The following REN variants were observed in gnomAD, a reference collection of about 807,000 sequenced individuals.
REN encodes renin.
REN carries 42 observed loss-of-function variants against 48.6 expected under a neutral mutation model. The ratio of observed to expected loss-of-function variants is 0.86; its 90% CI spans 0.68 to 1.12. REN has a LOEUF of 1.12. Among genes scored for constraint, REN ranks in the 50% most tolerant of loss-of-function variants. The pLI, the probability that REN is intolerant of heterozygous loss-of-function variation, is 0.00. For missense variants in REN, 443 were observed against 527.3 expected (o/e 0.84, Z 1.57); for synonymous variants, 196 against 204.6 (o/e 0.96, Z 0.36).
chr1:204,163,674 G>A (rs901424227), intron 1 of REN, among the ~76,000 whole-genome samples: 1 of 151,986 alleles, frequency 6.6e-6, no homozygotes, highest in Non-Finnish European at 1.5e-5. Context: ...AGCCCACACC[G>A]GCCTCACCTT....
rs755548418 is a variant in REN at position 204,157,367 on chromosome 1, T to A, written c.692A>T (p.Asp231Val). The A allele has an allele frequency of 3.1e-6, 5 of 1,614,118 alleles. No homozygotes were observed. In the South Asian group the frequency reaches 5.5e-5, roughly 18 times the overall value. ...EDVFSFYYNR[D>V]SENSQSLGGQ... is the part of the protein sequence containing the mutation. ...GGGGGTTTTGTCTCCTTACTCGGAA[T>A]CTCTGCAGAGAAAGAGAGACAGCAG... The change falls in exon 6 of 10, where the codon GAT (aspartate) becomes GTT (valine). Residue 231 changes from aspartate to valine, a missense_variant and splice_region_variant. By Grantham distance (152) the Asp-to-Val change is radical (BLOSUM62 -3). Coordinates refer to ENST00000272190, the MANE Select transcript of REN (RefSeq NM_000537.4).
At position 204,156,416 on chromosome 1, in the gene REN, GGGT is replaced by G; in HGVS notation, c.819-100_819-98del. ...ATGTCCTTCCTGAGTGTGGGTGGGTGGGTGGAGGCCACGCTGGTGGCCTGTTGA... is the reference window on the plus strand; with the variant it reads ...ATGTCCTTCCTGAGTGTGGGTGGGTGGGAGGCCACGCTGGTGGCCTGTTGA... On this transcript the variant is annotated intron_variant, in intron 7 of 9. Coordinates refer to ENST00000272190, the MANE Select transcript of REN (RefSeq NM_000537.4). This position sits in a 1 kb window ranked among gnomAD's most constrained non-coding sequence, Gnocchi z 4.2. 1 of 1,502,662 alleles carries G rather than the reference GGGT, an allele frequency of 6.7e-7. No homozygotes were observed. Among genetic ancestry groups the G allele is most frequent in the Non-Finnish European group, 9.1e-7 (1 of 1,100,776 alleles). The allele number at this position is 1,502,662 out of a possible 1,614,324, so 93.1% of individuals were successfully genotyped here.
At position 204,159,369 on chromosome 1, in the gene REN, C is replaced by A. The variant is rs753176377; in HGVS notation, c.689+30G>T. 3.1e-5 allele frequency: 50 copies of A among 1,601,736 alleles called. No individual in the cohort carries two copies. The East Asian group carries it at 6.2e-4, about 20-fold the overall frequency. On this transcript the variant is annotated intron_variant, in intron 5 of 9. Coordinates refer to ENST00000272190, the MANE Select transcript of REN (RefSeq NM_000537.4). Reference sequence around the variant, plus strand: ...CATCTCTTCTCCCCTCCTGTCCCCCCACCTCAGCCCTTGGAGTCCCAGTCC... The same window carrying A: ...CATCTCTTCTCCCCTCCTGTCCCCCAACCTCAGCCCTTGGAGTCCCAGTCC...
At chr1:204,161,239 T>C (rs2102313941) in intron 3 of REN, 53 bp downstream of exon 3, 2 of 1,539,450 alleles carry the variant, frequency 1.3e-6, no homozygotes, top group Middle Eastern at 1.7e-4. Context: ...GGATTGCTCA[T>C]GCACAGTAGG....
intron 1 of REN, among the ~76,000 whole-genome samples, chr1:204,163,740 T>C (rs1011353180): frequency 2.6e-5 from 4 of 152,180 alleles, no homozygotes; most frequent in Admixed American, 2.6e-4. Context: ...CTGTACAGCT[T>C]GTGGAACTGG....
rs1253737534 is a variant in REN, at chr1:204,156,868, G to C, written c.699-72C>G. 6.3e-7 allele frequency: 1 copy of C among 1,595,454 alleles called. No individual in the cohort carries two copies. Among genetic ancestry groups the C allele is most frequent in the African/African-American group, 1.3e-5 (1 of 74,672 alleles). On this transcript the variant is annotated intron_variant, in intron 6 of 9. Transcript: ENST00000272190. The surrounding 1 kb of genome is among the most constrained non-coding windows in gnomAD (Gnocchi z 4.2). ...CCAGCAACTCAGGCAATTGGGGAAG[G>C]TTGCACAAGGGTGCAGGGGAGGACA...
intron 1 of REN, among the ~76,000 whole-genome samples, chr1:204,162,375 T>C (rs1389278652): frequency 6.6e-6 from 1 of 152,208 alleles, no homozygotes; most frequent in Non-Finnish European, 1.5e-5. Flanking sequence ...TGCCCGGGGA[T>C]TAAATAACCC....
rs1474446793 is a variant in REN, at chr1:204,156,677, C to T, written c.818G>A (p.Gly273Glu). 1.2e-6 allele frequency: 2 copies of T among 1,614,078 alleles called. No homozygotes were observed. Among genetic ancestry groups the T allele is most frequent in the Non-Finnish European group, 8.5e-7 (1 of 1,180,010 alleles). The change falls in exon 7 of 10, where the codon GGG becomes GAG. Residue 273 changes from glycine (G) to glutamate (E), a missense_variant and splice_region_variant. Physicochemically the swap from Gly to Glu is moderately conservative, Grantham distance 98. Transcript: ENST00000272190. This position sits in a 1 kb window ranked among gnomAD's most constrained non-coding sequence, Gnocchi z 4.2. ...CCGGGGAGGGTTGAGGATTTCTGAC[C>T]CCTTCATTTGAATCTGCCAGACACC... ...KTGVWQIQMKGVSVGSSTLLC... is the reference protein window; with the variant it reads ...KTGVWQIQMKEVSVGSSTLLC...
chr1:204,157,358 T>C lies in REN; in HGVS notation c.698+3A>G. 6.2e-7 allele frequency: 1 copy of C among 1,614,258 alleles called. No individual in the cohort carries two copies. The highest frequency in any genetic ancestry group is 1.3e-5 in the African/African-American group (1 of 75,074). On this transcript the variant is annotated splice_donor_region_variant and intron_variant, in intron 6 of 9. Transcript: ENST00000272190. ...CAGCCATGTGGGGGTTTTGTCTCCT[T>C]ACTCGGAATCTCTGCAGAGAAAGAG...
chr1:204,157,609 C>T (rs1658172171), intron 5 of REN, among the ~76,000 whole-genome samples: 1 of 152,356 alleles, frequency 6.6e-6, no homozygotes, highest in East Asian at 1.9e-4. Context: ...CTCCTCACTG[C>T]ACTTGGCTCA....
Position 204,157,374 on chromosome 1 carries a change from A to G in REN, c.690-5T>C. ...TTGTCTCCTTACTCGGAATCTCTGC[A>G]GAGAAAGAGAGACAGCAGAAAGGAA... On this transcript the variant is annotated splice_polypyrimidine_tract_variant and splice_region_variant and intron_variant, in intron 5 of 9. Transcript: ENST00000272190. 6.2e-7 allele frequency: 1 copy of G among 1,614,266 alleles called. No individual in the cohort carries two copies. Among genetic ancestry groups the G allele is most frequent in the African/African-American group, 1.3e-5 (1 of 75,076 alleles).
At position 204,162,174 on chromosome 1, in the gene REN, G is replaced by A; in HGVS notation, c.99-11C>T. 2.1e-5 allele frequency: 34 copies of A among 1,613,994 alleles called. No individual in the cohort carries two copies. The highest frequency in any genetic ancestry group is 2.9e-5 in the Non-Finnish European group (34 of 1,179,968). ...CTCTTGAGGAAGATCCTGGCCCAGG[G>A]TGGAGGAAGCAAAAATAGAAAAGTG... On this transcript the variant is annotated splice_polypyrimidine_tract_variant and intron_variant, in intron 1 of 9. Coordinates refer to ENST00000272190, the MANE Select transcript of REN (RefSeq NM_000537.4).
At chr1:204,161,681 T>C (rs532333092) in intron 2 of REN, among the ~76,000 whole-genome samples, 3 of 152,076 alleles carry the variant, frequency 2.0e-5, no homozygotes, top group South Asian at 4.2e-4. Flanking sequence ...TTGAGGATCC[T>C]CTGGGGCAGG....
chr1:204,160,720 C>T, intron 3 of REN, 42 bp from the exon 4 acceptor site: 1 of 1,428,116 alleles, frequency 7.0e-7, no homozygotes, highest in Non-Finnish European at 9.9e-7. Flanking sequence ...AAGAGTGGCC[C>T]AGACAGGGGG....
intron 4 of REN, 31 bp downstream of exon 4, chr1:204,160,528 CG>C (rs1558244962): frequency 1.4e-6 from 2 of 1,453,198 alleles, no homozygotes; most frequent in African/African-American, 2.8e-5. Context: ...AGAAGGGGTC[CG>C]GGGCAGATGA....
chr1:204,163,753 C>T (rs1658290333), intron 1 of REN, among the ~76,000 whole-genome samples: 4 of 152,176 alleles, frequency 2.6e-5, no homozygotes, highest in Non-Finnish European at 5.9e-5. Flanking sequence ...GGAACTGGTG[C>T]CGTACGGTGG....
At chr1:204,160,434 T>C (rs1189603244) in intron 4 of REN, 126 bp downstream of exon 4, 1 of 751,554 alleles carries the variant, frequency 1.3e-6, no homozygotes, top group Non-Finnish European at 2.4e-6. Context: ...AGTAGGGTGT[T>C]CCTCAGCTCC....
intron 1 of REN, among the ~76,000 whole-genome samples, chr1:204,165,609 T>C (rs1333721989): frequency 3.3e-5 from 5 of 151,988 alleles, no homozygotes; most frequent in Non-Finnish European, 7.4e-5. Context: ...TTTTTTTTTT[T>C]TGAGATGGAG....
rs1553304565 is a variant in REN, at chr1:204,156,336, T to TCAGTCAGACAGA, written c.819-18_819-17insTCTGTCTGACTG. On this transcript the variant is annotated splice_polypyrimidine_tract_variant and intron_variant, in intron 7 of 9. Transcript: ENST00000272190. This position sits in a 1 kb window ranked among gnomAD's most constrained non-coding sequence, Gnocchi z 4.2. ...ACAGACACCCTGGGGGAGGCCACAG[T>TCAGTCAGACAGA]CAGACAGACAGACAGACAGACAGAC... 3 of 1,587,786 alleles carry TCAGTCAGACAGA rather than the reference T, an allele frequency of 1.9e-6. No homozygotes were observed. Among genetic ancestry groups the TCAGTCAGACAGA allele is most frequent in the Non-Finnish European group, 2.6e-6 (3 of 1,165,372 alleles).
Sources: gnomAD v4.1 joint callset for allele counts (sites outside exome capture counted in the v4.1 genomes callset) on GRCh38, gnomAD v4.1.1 for gene constraint, Gnocchi (gnomAD v3.1) non-coding constraint, MANE v1.5 for transcripts, NCBI Gene and HGNC (gene_info 2026-07-23, HGNC 2026-07-21) for gene names.